The following HDAC9 variants were observed in gnomAD, a reference collection of about 807,000 sequenced individuals.
HDAC9 encodes the protein histone deacetylase 9, also known as MEF-2 interacting transcription repressor (MITR) protein.
In HDAC9, 41 loss-of-function variants were observed where a neutral mutation model predicts 139.4. The observed-to-expected ratio is 0.29, with a 90% CI of 0.23 to 0.38. HDAC9 has a LOEUF of 0.38. Among genes scored for constraint, HDAC9 ranks in the 10% least tolerant of loss-of-function variants. The pLI, the probability that HDAC9 is intolerant of heterozygous loss-of-function variation, is 1.00. For synonymous variants in HDAC9, 517 were observed against 476.2 expected (o/e 1.09, Z -1.12); for missense variants, 1,147 against 1,297.0 (o/e 0.88, Z 1.78).
At chr7:18,553,384 A>T (rs1214218066) in intron 2 of HDAC9, among the ~76,000 whole-genome samples, 1 of 152,160 alleles carries the variant, frequency 6.6e-6, no homozygotes, top group Non-Finnish European at 1.5e-5. Context: ...AGCCTAAATG[A>T]CTGTGTTTTA....
intron 17 of HDAC9, among the ~76,000 whole-genome samples, chr7:18,815,302 G>A (rs1051708713): frequency 1.3e-5 from 2 of 151,648 alleles, no homozygotes; most frequent in Admixed American, 6.6e-5. Context: ...AATCAGTCAT[G>A]TTTCAAAAAA....
intron 1 of HDAC9, among the ~76,000 whole-genome samples, chr7:18,371,570 G>A (rs759961588): frequency 6.6e-6 from 1 of 151,946 alleles, no homozygotes; most frequent in African/African-American, 2.4e-5. Flanking sequence ...AAAAGCAAAA[G>A]CAAACAAAAA....
At chr7:18,509,253 T>C in intron 2 of HDAC9, 1 of 985,130 alleles carries the variant, frequency 1.0e-6, no homozygotes, top group Non-Finnish European at 1.2e-6. Flanking sequence ...GAGCAGGAAG[T>C]GTTCTGGAGC....
intron 11 of HDAC9, among the ~76,000 whole-genome samples, chr7:18,657,252 C>T (rs1791532616): frequency 1.3e-5 from 2 of 152,142 alleles, no homozygotes; most frequent in South Asian, 4.2e-4. Flanking sequence ...CTGATTGTTT[C>T]CTTTGTTGGT....
chr7:18,833,595 G>GT (rs1026591489), intron 19 of HDAC9, among the ~76,000 whole-genome samples: 1 of 152,116 alleles, frequency 6.6e-6, no homozygotes, highest in African/African-American at 2.4e-5. Flanking sequence ...CAGGAAAATA[G>GT]TTTTTTTGTC....
intron 6 of HDAC9, among the ~76,000 whole-genome samples, chr7:18,604,048 C>T (rs1385234084): frequency 6.6e-6 from 1 of 151,890 alleles, no homozygotes; most frequent in African/African-American, 2.4e-5. Context: ...TTGAAGATCT[C>T]TTTATCTTTT....
chr7:18,870,013 C>T (rs1413337661), intron 21 of HDAC9, among the ~76,000 whole-genome samples: 1 of 151,666 alleles, frequency 6.6e-6, no homozygotes, highest in Admixed American at 6.6e-5. Context: ...TATTCTGATA[C>T]TTGTTAGCAT....
upstream of HDAC9, among the ~76,000 whole-genome samples, chr7:18,493,939 A>G (rs1796556805): frequency 1.3e-5 from 2 of 152,002 alleles, no homozygotes; most frequent in Admixed American, 6.6e-5. Context: ...ACAATTGACT[A>G]TCTCTAAATT....
At position 18,325,897 on chromosome 7, in the gene HDAC9, G is replaced by T. The variant is rs143097842; in HGVS notation, c.-42+35382G>T. Among the ~76,000 whole-genome samples the T allele has an allele frequency of 2.8e-3, 429 of 152,126 alleles. 2 individuals carry two copies. Among genetic ancestry groups the T allele is most frequent in the African/African-American group, 9.5e-3 (395 of 41,544 alleles). ...AGCCTAGGAACAATAGGCTATACCA[G>T]ATAGCCAAGTTATACCATCTAGGTT... On this transcript the variant is annotated intron_variant, in intron 1 of 3. Transcript: ENST00000413509.
intron 1 of HDAC9, among the ~76,000 whole-genome samples, chr7:18,447,237 A>G (rs910673582): frequency 6.6e-6 from 1 of 152,206 alleles, no homozygotes; most frequent in African/African-American, 2.4e-5. Flanking sequence ...GATGAAATAT[A>G]CTGACACCTA....
intron 12 of HDAC9, among the ~76,000 whole-genome samples, chr7:18,687,302 T>A (rs1782343264): frequency 6.6e-6 from 1 of 151,830 alleles, no homozygotes; most frequent in South Asian, 2.1e-4. Flanking sequence ...TAAATAAATC[T>A]TCTACTCAAT....
At chr7:18,904,604 G>T (rs1453768397) in intron 22 of HDAC9, among the ~76,000 whole-genome samples, 4 of 121,356 alleles carry the variant, frequency 3.3e-5, no homozygotes, top group Non-Finnish European at 6.5e-5. Flanking sequence ...TTTTTAGATG[G>T]AGTCTCGCTG....
At chr7:18,103,951 C>A (rs1783021076) in intron 1 of HDAC9, among the ~76,000 whole-genome samples, 1 of 152,180 alleles carries the variant, frequency 6.6e-6, no homozygotes, top group African/African-American at 2.4e-5. Context: ...TTCAGGGCAC[C>A]AGTTGGGAAC....
chr7:18,135,084 C>T (rs192950104), intron 1 of HDAC9, among the ~76,000 whole-genome samples: 15 of 152,172 alleles, frequency 9.9e-5, no homozygotes, highest in East Asian at 9.7e-4. Context: ...ATGTGACAGA[C>T]TGTGATAAAT....
At chr7:18,149,354 T>C (rs1334672686) in intron 1 of HDAC9, among the ~76,000 whole-genome samples, 1 of 148,332 alleles carries the variant, frequency 6.7e-6, no homozygotes, top group African/African-American at 2.4e-5. Flanking sequence ...AATAATTTTT[T>C]CTTTTTTTTT....
chr7:18,125,424 T>C (rs1462425277), intron 1 of HDAC9, among the ~76,000 whole-genome samples: 15 of 124,862 alleles, frequency 1.2e-4, no homozygotes, highest in Admixed American at 1.1e-3. Flanking sequence ...CTAACACATA[T>C]ATATATGCGT....
At chr7:18,871,995 A>C (rs952172821) in intron 21 of HDAC9, among the ~76,000 whole-genome samples, 6 of 152,176 alleles carry the variant, frequency 3.9e-5, no homozygotes, top group Non-Finnish European at 8.8e-5. Flanking sequence ...TGAATGAATG[A>C]ACCTTACCAA....
At chr7:18,211,535 G>A (rs1791937356) in intron 2 of HDAC9, among the ~76,000 whole-genome samples, 1 of 152,142 alleles carries the variant, frequency 6.6e-6, no homozygotes, top group South Asian at 2.1e-4. Context: ...ATGGACATTT[G>A]ATTTGATTCT....
intron 2 of HDAC9, among the ~76,000 whole-genome samples, chr7:18,265,358 G>A (rs954898044): frequency 5.9e-5 from 9 of 152,110 alleles, no homozygotes; most frequent in Admixed American, 5.2e-4. Context: ...ATCTGCTCAT[G>A]CTGTTTACCT....
Sources: gnomAD v4.1 joint callset for allele counts (sites outside exome capture counted in the v4.1 genomes callset) on GRCh38, gnomAD v4.1.1 for gene constraint, MANE v1.5 for transcripts, NCBI Gene and HGNC (gene_info 2026-07-23, HGNC 2026-07-21) for gene names.